Variants in SP4 observed in about 807,000 individuals in gnomAD.
The protein encoded by SP4 is Sp4 transcription factor.
A neutral mutation model predicts 72.8 loss-of-function variants in SP4; 19 were observed. The observed-to-expected ratio is 0.26, with a 90% CI of 0.18 to 0.38. The LOEUF (loss-of-function observed/expected upper bound fraction) is 0.38. Ranked by LOEUF, SP4 falls within the 10% of genes least tolerant of loss-of-function variation. The pLI is 1.00. For synonymous variants in SP4, 395 were observed against 333.1 expected (o/e 1.19, Z -2.02); for missense variants, 1,008 against 926.3 (o/e 1.09, Z -1.14).
At chr7:21,482,412 A>G (rs139424152) in intron 5 of SP4, among the ~76,000 whole-genome samples, 1,664 of 152,044 alleles carry the variant, frequency 0.011, 26 homozygotes, top group African/African-American at 0.038. Flanking sequence ...GTTTTTCATA[A>G]GTGTTTAAAT....
At chr7:21,482,971 C>G (rs2128411427) in intron 5 of SP4, among the ~76,000 whole-genome samples, 1 of 152,112 alleles carries the variant, frequency 6.6e-6, no homozygotes, top group East Asian at 1.9e-4. Flanking sequence ...TTGATGAGAA[C>G]ATGTGTGAGA....
In SP4 at chr7:21,472,560, G is replaced by A. The variant is rs62439713; in HGVS notation, c.1679-4519G>A. 5.2e-3 allele frequency among the ~76,000 whole-genome samples: 789 copies of A among 151,906 alleles called. 8 individuals carry two copies. Among genetic ancestry groups the A allele is most frequent in the African/African-American group, 0.018 (736 of 41,424 alleles). Reference sequence around the variant, plus strand: ...CTCCTGCCTCGGCCTCCCAAAGTGCGGGGATTACAGGTGTGAGCCACTGCA... The same window carrying A: ...CTCCTGCCTCGGCCTCCCAAAGTGCAGGGATTACAGGTGTGAGCCACTGCA... On this transcript the variant is annotated intron_variant, in intron 3 of 5. Transcript: ENST00000222584.
At chr7:21,437,863 GAC>G (rs2128392781) in intron 3 of SP4, among the ~76,000 whole-genome samples, 1 of 152,298 alleles carries the variant, frequency 6.6e-6, no homozygotes, top group African/African-American at 2.4e-5. Flanking sequence ...ATGGGACATT[GAC>G]AGACTCGCAA....
At chr7:21,430,926 ACGT>A (rs1298660540) in intron 3 of SP4, 83 bp downstream of exon 3, 84 of 999,440 alleles carry the variant, frequency 8.4e-5, no homozygotes, top group Non-Finnish European at 1.2e-4. Context: ...CTAAGGTTTG[ACGT>A]AGACCTCTGA....
intron 3 of SP4, among the ~76,000 whole-genome samples, chr7:21,462,045 T>G (rs1226586141): frequency 2.7e-5 from 4 of 148,698 alleles, no homozygotes; most frequent in Non-Finnish European, 5.9e-5. Context: ...TTTTTTTTTT[T>G]GAAGACAGGA....
At chr7:21,480,659 T>A (rs1221010964) in intron 4 of SP4, among the ~76,000 whole-genome samples, 1 of 152,234 alleles carries the variant, frequency 6.6e-6, no homozygotes, top group Admixed American at 6.5e-5. Flanking sequence ...TTGTTTACTT[T>A]TCCCAAGAAT....
chr7:21,443,615 G>A (rs1029715711), intron 3 of SP4, among the ~76,000 whole-genome samples: 4 of 152,166 alleles, frequency 2.6e-5, no homozygotes, highest in Non-Finnish European at 5.9e-5. Flanking sequence ...TTGCACAGGC[G>A]TATAGGAACG....
In SP4 at chr7:21,431,344, T is replaced by C. The variant is rs984360074; in HGVS notation, c.1678+501T>C. Reference sequence around the variant, plus strand: ...ATCTTGTCGCCCATGCTTTTGTGTTTTATTACACTGGTTTTAAACTAGATA... The same window carrying C: ...ATCTTGTCGCCCATGCTTTTGTGTTCTATTACACTGGTTTTAAACTAGATA... On this transcript the variant is annotated intron_variant, in intron 3 of 5. Coordinates refer to ENST00000222584, the MANE Select transcript of SP4 (RefSeq NM_003112.5). 2.0e-5 allele frequency among the ~76,000 whole-genome samples: 3 copies of C among 152,328 alleles called. No individual in the cohort carries two copies. In the East Asian group the frequency reaches 5.8e-4, roughly 29 times the overall value.
intron 4 of SP4, among the ~76,000 whole-genome samples, chr7:21,477,756 G>T (rs1194879094): frequency 6.6e-6 from 1 of 152,116 alleles, no homozygotes; most frequent in Non-Finnish European, 1.5e-5. Flanking sequence ...GGCCAGGCTG[G>T]TCTCGAACTC....
intron 5 of SP4, among the ~76,000 whole-genome samples, chr7:21,508,334 T>C (rs1782057996): frequency 6.6e-6 from 1 of 151,978 alleles, no homozygotes; most frequent in Admixed American, 6.6e-5. Context: ...CAAGATGGAG[T>C]GTCTGGTAGG....
chr7:21,508,807 C>CTTTTTTTT (rs11418275), intron 5 of SP4, among the ~76,000 whole-genome samples: 1 of 111,534 alleles, frequency 9.0e-6, no homozygotes, highest in Non-Finnish European at 1.8e-5. Context: ...TGTCTACACA[C>CTTTTTTTT]TTTTTTTTTT....
chr7:21,460,055 A>T (rs1783905312), intron 3 of SP4, among the ~76,000 whole-genome samples: 2 of 152,186 alleles, frequency 1.3e-5, no homozygotes, highest in Admixed American at 1.3e-4. Context: ...GAAATAAAAG[A>T]CTCCATGAAA....
chr7:21,450,673 G>C (rs570612154), intron 3 of SP4, among the ~76,000 whole-genome samples: 1 of 152,170 alleles, frequency 6.6e-6, no homozygotes, highest in Non-Finnish European at 1.5e-5. Flanking sequence ...GCTTAAACAG[G>C]ATATAACTTA....
At chr7:21,505,598 TAG>T (rs1781973409) in intron 5 of SP4, among the ~76,000 whole-genome samples, 1 of 152,178 alleles carries the variant, frequency 6.6e-6, no homozygotes, top group Admixed American at 6.5e-5. Context: ...TCCTAAAGTC[TAG>T]GGGACATGCC....
intron 5 of SP4, among the ~76,000 whole-genome samples, chr7:21,496,256 T>G (rs1781703456): frequency 6.6e-6 from 1 of 152,196 alleles, no homozygotes; most frequent in Non-Finnish European, 1.5e-5. Flanking sequence ...GTATATAAAT[T>G]AAAACATAAA....
chr7:21,466,571 C>A (rs1784174119), intron 3 of SP4, among the ~76,000 whole-genome samples: 1 of 152,134 alleles, frequency 6.6e-6, no homozygotes, highest in Non-Finnish European at 1.5e-5. Flanking sequence ...TTCAGTAACT[C>A]AATATTGGTT....
intron 3 of SP4, among the ~76,000 whole-genome samples, chr7:21,437,694 T>C (rs919469588): frequency 6.6e-6 from 1 of 152,206 alleles, no homozygotes; most frequent in Non-Finnish European, 1.5e-5. Flanking sequence ...GGGAATTACA[T>C]ACCTACAAGG....
chr7:21,440,671 G>A (rs1562588073), intron 3 of SP4, among the ~76,000 whole-genome samples: 1 of 151,980 alleles, frequency 6.6e-6, no homozygotes, highest in Admixed American at 6.6e-5. Context: ...GAAACATGGT[G>A]AAACCTGTCT....
intron 3 of SP4, among the ~76,000 whole-genome samples, chr7:21,439,676 G>A (rs1783173727): frequency 1.3e-5 from 2 of 152,088 alleles, no homozygotes; most frequent in South Asian, 4.1e-4. Context: ...GATCACGTGA[G>A]CCCAGGAGCT....
Sources: gnomAD v4.1 joint callset for allele counts (sites outside exome capture counted in the v4.1 genomes callset) on GRCh38, gnomAD v4.1.1 for gene constraint, MANE v1.5 for transcripts, NCBI Gene and HGNC (gene_info 2026-07-23, HGNC 2026-07-21) for gene names.